The following ABI1 variants were observed in gnomAD, a reference collection of about 807,000 sequenced individuals.
ABI1 encodes the protein Abelson interactor 1.
Under a neutral mutation model 54.6 loss-of-function variants are expected in ABI1, and 14 were observed. The observed-to-expected ratio is 0.26, with a 90% CI of 0.17 to 0.40. The LOEUF is 0.40. Ranked by LOEUF, ABI1 falls within the 10% of genes least tolerant of loss-of-function variation. The probability of loss-of-function intolerance (pLI) is 1.00; values close to 1 mark genes in which losing one functional copy is unlikely to be tolerated. For synonymous variants in ABI1, 194 were observed against 209.3 expected (o/e 0.93, Z 0.63); for missense variants, 443 against 598.3 (o/e 0.74, Z 2.71).
intron 2 of ABI1, among the ~76,000 whole-genome samples, chr10:26,804,361 T>C (rs543550693): frequency 6.0e-5 from 9 of 149,824 alleles, no homozygotes; most frequent in African/African-American, 1.7e-4. Flanking sequence ...CCAGCCTGGG[T>C]GACAGAGCAA....
chr10:26,755,647 A>G lies in ABI1; in HGVS notation c.1084+8T>C, dbSNP rs1313993052. On this transcript the variant is annotated splice_region_variant and intron_variant, in intron 9 of 10. Coordinates refer to ENST00000376140, the MANE Select transcript of ABI1 (RefSeq NM_001012750.3). Reference sequence around the variant, plus strand: ...TACTCTTCCATAGCTCAGTTTTTCCAAACTTACTGTTTTCCTGCACCCTGG... The same window carrying G: ...TACTCTTCCATAGCTCAGTTTTTCCGAACTTACTGTTTTCCTGCACCCTGG... The G allele has an allele frequency of 6.2e-7, 1 of 1,608,660 alleles. No homozygotes were observed. The highest frequency in any genetic ancestry group is 2.2e-5 in the East Asian group (1 of 44,848).
In ABI1 at chr10:26,781,349, T is replaced by C. The variant is rs374115647; in HGVS notation, c.286-4108A>G. 5.3e-5 allele frequency among the ~76,000 whole-genome samples: 8 copies of C among 152,366 alleles called. No homozygotes were observed. In the South Asian group the frequency reaches 1.2e-3, roughly 24 times the overall value. The stretch of plus-strand genomic sequence containing the variant: ...TCTGGCCCCTAGGGCATCTCAGCTT[T>C]ACATGAAAAAGCAGCAGCTTCTCCC... On this transcript the variant is annotated intron_variant, in intron 2 of 10. Coordinates refer to ENST00000376140, the MANE Select transcript of ABI1 (RefSeq NM_001012750.3).
chr10:26,791,068 CAAAAA>C (rs369738380), intron 2 of ABI1, among the ~76,000 whole-genome samples: 2 of 59,144 alleles, frequency 3.4e-5, no homozygotes, highest in African/African-American at 1.2e-4. Context: ...GATTCCGTCT[CAAAAA>C]AAAAAAAAAA....
chr10:26,832,803 G>A (rs1158224819), intron 1 of ABI1, among the ~76,000 whole-genome samples: 1 of 152,030 alleles, frequency 6.6e-6, no homozygotes, highest in Non-Finnish European at 1.5e-5. Flanking sequence ...TCTGTGGGGA[G>A]AGATGAGAGG....
At chr10:26,801,066 T>G (rs1464440928) in intron 2 of ABI1, among the ~76,000 whole-genome samples, 1 of 152,110 alleles carries the variant, frequency 6.6e-6, no homozygotes, top group African/African-American at 2.4e-5. Context: ...TGTGCCAGAC[T>G]GAGGAAGATG....
intron 1 of ABI1, among the ~76,000 whole-genome samples, chr10:26,823,511 T>C (rs112863168): frequency 2.0e-5 from 3 of 152,154 alleles, no homozygotes; most frequent in Non-Finnish European, 2.9e-5. Context: ...CTCTCCTGAG[T>C]AGCTCATCCA....
chr10:26,773,659 G>A (rs911838237), intron 3 of ABI1, among the ~76,000 whole-genome samples: 1 of 152,162 alleles, frequency 6.6e-6, no homozygotes, highest in Admixed American at 6.5e-5. Flanking sequence ...CCATTAGGCT[G>A]AGACGGCTCC....
intron 1 of ABI1, among the ~76,000 whole-genome samples, chr10:26,829,023 G>A (rs1322378630): frequency 3.3e-5 from 5 of 151,716 alleles, no homozygotes; most frequent in Admixed American, 6.6e-5. Flanking sequence ...TCAGGAGATC[G>A]AGACCATCCT....
intron 2 of ABI1, among the ~76,000 whole-genome samples, chr10:26,805,761 C>T (rs1037684554): frequency 6.6e-6 from 1 of 152,190 alleles, no homozygotes; most frequent in African/African-American, 2.4e-5. Flanking sequence ...AAGACTGATG[C>T]TTATTTCTGC....
Position 26,853,054 on chromosome 10 carries a change from C to T in ABI1, c.117+7693G>A, listed in dbSNP as rs566849419. ...AGTTAAAAGTACTTATTTGGATTGA[C>T]ACACAGTAGTCAAATCTCAAGTCTC... On this transcript the variant is annotated intron_variant, in intron 1 of 10. Transcript: ENST00000376140. 3.9e-5 allele frequency among the ~76,000 whole-genome samples: 6 copies of T among 152,182 alleles called. No homozygotes were observed. In the East Asian group the frequency reaches 1.2e-3, roughly 29 times the overall value.
intron 1 of ABI1, among the ~76,000 whole-genome samples, chr10:26,858,021 C>T (rs189281154): frequency 6.6e-6 from 1 of 152,268 alleles, no homozygotes; most frequent in East Asian, 1.9e-4. Flanking sequence ...TTCTCAGCTA[C>T]ACACCTTAGC....
At chr10:26,846,044 G>A (rs957828589) in intron 1 of ABI1, among the ~76,000 whole-genome samples, 1 of 151,850 alleles carries the variant, frequency 6.6e-6, no homozygotes, top group South Asian at 2.1e-4. Flanking sequence ...CTGAGGCTGA[G>A]GCAGAGAGAC....
intron 1 of ABI1, among the ~76,000 whole-genome samples, chr10:26,858,031 C>T (rs1028905890): frequency 2.7e-4 from 41 of 152,102 alleles, no homozygotes; most frequent in Admixed American, 4.6e-4. Flanking sequence ...CACACCTTAG[C>T]TAAACTGGAC....
intron 2 of ABI1, among the ~76,000 whole-genome samples, chr10:26,808,721 TCAA>T (rs767707882): frequency 4.6e-5 from 7 of 151,788 alleles, no homozygotes; most frequent in African/African-American, 1.7e-4. Context: ...AGACCCCGTC[TCAA>T]CAACAACAAC....
At chr10:26,820,758 T>C (rs1210768258) in intron 2 of ABI1, among the ~76,000 whole-genome samples, 1 of 151,872 alleles carries the variant, frequency 6.6e-6, no homozygotes, top group Non-Finnish European at 1.5e-5. Context: ...CGGCTAATTT[T>C]TGTATTTTTA....
chr10:26,771,968 TAC>T (rs1156431081), intron 3 of ABI1, among the ~76,000 whole-genome samples: 1 of 151,728 alleles, frequency 6.6e-6, no homozygotes, highest in Non-Finnish European at 1.5e-5. Flanking sequence ...TCTAATTTTT[TAC>T]AGATTTGGGG....
chr10:26,836,197 C>A (rs1470168019), intron 1 of ABI1, among the ~76,000 whole-genome samples: 1 of 152,120 alleles, frequency 6.6e-6, no homozygotes, highest in African/African-American at 2.4e-5. Context: ...AATGCAACCT[C>A]CACCTCCCAG....
chr10:26,859,995 A>G (rs1285695582), intron 1 of ABI1, among the ~76,000 whole-genome samples: 1 of 151,086 alleles, frequency 6.6e-6, no homozygotes, highest in Non-Finnish European at 1.5e-5. Flanking sequence ...TGAGAGGGGG[A>G]AAAAAATAAA....
At chr10:26,835,387 C>T (rs1038605679) in intron 1 of ABI1, among the ~76,000 whole-genome samples, 3 of 152,042 alleles carry the variant, frequency 2.0e-5, no homozygotes, top group African/African-American at 7.2e-5. Context: ...CCAGCCTGAG[C>T]AGCACAGCAA....
Sources: gnomAD v4.1 joint callset for allele counts (sites outside exome capture counted in the v4.1 genomes callset) on GRCh38, gnomAD v4.1.1 for gene constraint, MANE v1.5 for transcripts, NCBI Gene and HGNC (gene_info 2026-07-23, HGNC 2026-07-21) for gene names.